FAM200B: variants seen among roughly 807,000 people sequenced by gnomAD.
FAM200B encodes zinc finger BED-type containing 11.
In FAM200B, 32 loss-of-function variants were observed where a neutral mutation model predicts 33.1. The observed-to-expected ratio is 0.97, with a 90% CI of 0.73 to 1.30. The LOEUF is 1.30. Ranked by LOEUF, FAM200B falls within the 50% of genes most tolerant of loss-of-function variation. The pLI is 0.00. For synonymous variants in FAM200B, 240 were observed against 264.8 expected (o/e 0.91, Z 0.91); for missense variants, 741 against 754.0 (o/e 0.98, Z 0.20).
the FAM200B span, chr4:15,638,677 T>C: frequency 6.3e-7 from 1 of 1,591,626 alleles, no homozygotes; most frequent in East Asian, 2.2e-5. Context: ...AATATTCCAT[T>C]AACATGGGCT....
intron 1 of FAM200B, among the ~76,000 whole-genome samples, chr4:15,684,140 A>G (rs948516709): frequency 2.0e-5 from 3 of 152,202 alleles, no homozygotes; most frequent in Non-Finnish European, 4.4e-5. Context: ...CAGTGCACAC[A>G]TCTTAAGCAT....
the FAM200B span, among the ~76,000 whole-genome samples, chr4:15,667,385 G>A: frequency 5.9e-5 from 9 of 152,082 alleles, no homozygotes; most frequent in African/African-American, 2.2e-4. Flanking sequence ...CCAAGTTGCA[G>A]TACCCTCTTA....
the FAM200B span, among the ~76,000 whole-genome samples, chr4:15,666,336 C>G: frequency 6.6e-6 from 1 of 151,914 alleles, no homozygotes; most frequent in Non-Finnish European, 1.5e-5. Context: ...GATGGTCCAG[C>G]CTGCAATGAG....
At chr4:15,661,331 T>C in the FAM200B span, among the ~76,000 whole-genome samples, 1 of 152,168 alleles carries the variant, frequency 6.6e-6, no homozygotes, top group Non-Finnish European at 1.5e-5. Flanking sequence ...GGAACCAGTA[T>C]TCTCATCTGT....
At chr4:15,661,903 G>A in the FAM200B span, among the ~76,000 whole-genome samples, 1 of 152,214 alleles carries the variant, frequency 6.6e-6, no homozygotes, top group East Asian at 1.9e-4. Flanking sequence ...CTGTTGAGAG[G>A]CCTCACATCC....
In FAM200B at chr4:15,688,175, G is replaced by A; in HGVS notation, c.1198G>A (p.Glu400Lys). Residue 400 changes from glutamate (E) to lysine (K), a missense_variant, in exon 2 of 2, where the codon GAG becomes AAG. Coordinates refer to ENST00000422728, the MANE Select transcript of FAM200B (RefSeq NM_001145191.2). Reference protein sequence around the residue: ...SQGKILSRVYELRNEIHFFLI... With the variant: ...SQGKILSRVYKLRNEIHFFLI... Reference sequence around the variant, plus strand: ...AGGGAAAATACTAAGCAGGGTTTATGAGCTCAGGAATGAGATTCACTTTTT... The same window carrying A: ...AGGGAAAATACTAAGCAGGGTTTATAAGCTCAGGAATGAGATTCACTTTTT... 2 of 1,551,150 alleles carry A rather than the reference G, an allele frequency of 1.3e-6. No individual in the cohort carries two copies. The highest frequency in any genetic ancestry group is 1.2e-5 in the South Asian group (1 of 84,038).
Position 15,686,393 on chromosome 4 carries a change from A to G in FAM200B, c.-585A>G, listed in dbSNP as rs1181454685. On this transcript the variant is annotated 5_prime_UTR_variant, in exon 2 of 2. The change abolishes an upstream ATG in the 5' untranslated region. Transcript: ENST00000422728. ...TAAGATAAATTCCCACCACTTCAAGATGTTCTTATACAAGTCAACAGTCTA... is the reference window on the plus strand; with the variant it reads ...TAAGATAAATTCCCACCACTTCAAGGTGTTCTTATACAAGTCAACAGTCTA... The G allele has an allele frequency of 1.3e-5, 2 of 152,176 alleles. No homozygotes were observed. The highest frequency in any genetic ancestry group is 2.9e-5 in the Non-Finnish European group (2 of 68,024). 9.4% of individuals were successfully genotyped at this position (152,176 alleles called of 1,614,324 possible).
chr4:15,641,390 T>A, the FAM200B span: 1 of 346,676 alleles, frequency 2.9e-6, no homozygotes, highest in Non-Finnish European at 5.5e-6. Context: ...CACCTCTTCT[T>A]CCTCCTCAGC....
chr4:15,655,166 C>A, the FAM200B span: 7 of 1,357,854 alleles, frequency 5.2e-6, no homozygotes, highest in African/African-American at 1.5e-5. Context: ...CCATCGCCGC[C>A]CGCACCGCCC....
At chr4:15,667,870 C>A in the FAM200B span, among the ~76,000 whole-genome samples, 1 of 151,914 alleles carries the variant, frequency 6.6e-6, no homozygotes, top group African/African-American at 2.4e-5. Context: ...GGAGAAACCC[C>A]GTCTCTAATA....
At chr4:15,666,996 T>C in the FAM200B span, among the ~76,000 whole-genome samples, 2 of 151,682 alleles carry the variant, frequency 1.3e-5, no homozygotes, top group Non-Finnish European at 2.9e-5. Context: ...TTATAAATTA[T>C]CAATCAAAAT....
At chr4:15,636,943 G>A in the FAM200B span, among the ~76,000 whole-genome samples, 2 of 152,080 alleles carry the variant, frequency 1.3e-5, no homozygotes, top group African/African-American at 4.8e-5. Context: ...CTCTTACAAA[G>A]GCATCACAGA....
At chr4:15,650,347 T>G in the FAM200B span, among the ~76,000 whole-genome samples, 4 of 152,166 alleles carry the variant, frequency 2.6e-5, no homozygotes, top group Non-Finnish European at 5.9e-5. Flanking sequence ...CACAAACACT[T>G]CAAACAAATT....
At chr4:15,657,842 GTTA>G in the FAM200B span, among the ~76,000 whole-genome samples, 1 of 152,184 alleles carries the variant, frequency 6.6e-6, no homozygotes, top group Non-Finnish European at 1.5e-5. Flanking sequence ...ATTTGGGAGG[GTTA>G]TTAAGACCAA....
the FAM200B span, among the ~76,000 whole-genome samples, chr4:15,669,083 A>G: frequency 6.6e-6 from 1 of 152,214 alleles, no homozygotes; most frequent in African/African-American, 2.4e-5. Context: ...ATAACCTCAG[A>G]CACAACTGAA....
At chr4:15,673,177 C>T in the FAM200B span, among the ~76,000 whole-genome samples, 1 of 152,264 alleles carries the variant, frequency 6.6e-6, no homozygotes, top group South Asian at 2.1e-4. Flanking sequence ...TGCAATGGCT[C>T]ACACCTGTAA....
chr4:15,647,430 A>G, the FAM200B span, among the ~76,000 whole-genome samples: 4 of 152,252 alleles, frequency 2.6e-5, no homozygotes, highest in African/African-American at 9.6e-5. Flanking sequence ...TTGAGCATCT[A>G]TGGAGTTTGG....
In FAM200B at chr4:15,686,754, G is replaced by T; in HGVS notation, c.-224G>T. Reference sequence around the variant, plus strand: ...AAATGGTTTTCAGTCATTGATTCCTGGGTGTCTTGCTTGATTTTCATAATA... The same window carrying T: ...AAATGGTTTTCAGTCATTGATTCCTTGGTGTCTTGCTTGATTTTCATAATA... On this transcript the variant is annotated 5_prime_UTR_variant, in exon 2 of 2. Transcript: ENST00000422728. 1 of 306,098 alleles carries T rather than the reference G, an allele frequency of 3.3e-6. No individual in the cohort carries two copies. The highest frequency in any genetic ancestry group is 6.0e-6 in the Non-Finnish European group (1 of 166,334). 19.0% of individuals were successfully genotyped at this position (306,098 alleles called of 1,614,324 possible). A position where few individuals can be genotyped will look rare whatever the true frequency, so the allele number is the denominator to read the frequency against.
At chr4:15,655,201 T>C in the FAM200B span, 1 of 1,406,192 alleles carries the variant, frequency 7.1e-7, no homozygotes, top group Non-Finnish European at 9.4e-7. Flanking sequence ...AGCGCTCCGT[T>C]ACCTTGTCGC....
Sources: allele counts gnomAD v4.1 joint callset (sites outside exome capture counted in the v4.1 genomes callset), GRCh38; gene constraint gnomAD v4.1.1; transcripts MANE v1.5; gene names NCBI Gene and HGNC (gene_info 2026-07-23, HGNC 2026-07-21).